The following PLCL1 variants were observed in gnomAD, a reference collection of about 807,000 sequenced individuals.
PLCL1 encodes the protein phospholipase C like 1 (inactive).
In PLCL1, 41 loss-of-function variants were observed where a neutral mutation model predicts 84.4. The ratio of observed to expected loss-of-function variants is 0.49; its 90% CI spans 0.38 to 0.63. The LOEUF (loss-of-function observed/expected upper bound fraction) is 0.63, where lower values mean the gene tolerates loss of function less well. Ranked by LOEUF, PLCL1 falls within the 30% of genes least tolerant of loss-of-function variation. The pLI is 0.00. For synonymous variants in PLCL1, 490 were observed against 488.3 expected (o/e 1.00, Z -0.05); for missense variants, 1,206 against 1,367.8 (o/e 0.88, Z 1.87).
At chr2:197,809,279 G>C (rs1246961481) in intron 1 of PLCL1, among the ~76,000 whole-genome samples, 6 of 152,204 alleles carry the variant, frequency 3.9e-5, no homozygotes, top group African/African-American at 1.4e-4. Flanking sequence ...GAGAGCTACT[G>C]TTAAAATGTG....
chr2:198,134,763 T>G (rs1694213236), intron 5 of PLCL1, among the ~76,000 whole-genome samples: 1 of 152,194 alleles, frequency 6.6e-6, no homozygotes, highest in Non-Finnish European at 1.5e-5. Flanking sequence ...AATTGTGCCC[T>G]TGGAATTGTG....
chr2:198,136,245 A>T (rs1233974973), intron 5 of PLCL1, among the ~76,000 whole-genome samples: 5 of 152,148 alleles, frequency 3.3e-5, no homozygotes, highest in African/African-American at 1.2e-4. Context: ...TTTTCCATGT[A>T]TGGCAGGCAT....
At chr2:197,965,555 G>C (rs1298975466) in intron 1 of PLCL1, among the ~76,000 whole-genome samples, 1 of 151,716 alleles carries the variant, frequency 6.6e-6, no homozygotes, top group Admixed American at 6.6e-5. Context: ...ATTTATTTCT[G>C]CTTTCATCTT....
At chr2:197,942,083 T>C (rs949720358) in intron 1 of PLCL1, among the ~76,000 whole-genome samples, 1 of 152,240 alleles carries the variant, frequency 6.6e-6, no homozygotes, top group African/African-American at 2.4e-5. Context: ...AGAATCACTT[T>C]GTTTTTAACT....
chr2:198,049,689 G>A (rs945868105), intron 1 of PLCL1, among the ~76,000 whole-genome samples: 2 of 152,200 alleles, frequency 1.3e-5, no homozygotes, highest in Admixed American at 1.3e-4. Flanking sequence ...TAGAAGTGCT[G>A]TAAATCATAG....
chr2:197,999,764 A>G (rs919369359), intron 1 of PLCL1, among the ~76,000 whole-genome samples: 10 of 152,242 alleles, frequency 6.6e-5, no homozygotes, highest in Admixed American at 5.2e-4. Flanking sequence ...TAAATTGCAT[A>G]TATAGATGTG....
chr2:197,970,164 C>G (rs1689831422), intron 1 of PLCL1, among the ~76,000 whole-genome samples: 1 of 152,112 alleles, frequency 6.6e-6, no homozygotes, highest in African/African-American at 2.4e-5. Flanking sequence ...GCTGGAAAGT[C>G]CAAGAGGATG....
At chr2:198,003,797 A>G (rs1690662281) in intron 1 of PLCL1, among the ~76,000 whole-genome samples, 3 of 152,214 alleles carry the variant, frequency 2.0e-5, no homozygotes, top group Admixed American at 2.0e-4. Context: ...ATTTTCATAA[A>G]ACTTCTGAGC....
At chr2:198,104,256 T>G (rs750927412) in intron 5 of PLCL1, among the ~76,000 whole-genome samples, 5 of 151,948 alleles carry the variant, frequency 3.3e-5, no homozygotes, top group Non-Finnish European at 5.9e-5. Flanking sequence ...GTGGTCTCAT[T>G]GTTTAGTTCC....
chr2:198,064,895 G>A (rs1169372162), intron 1 of PLCL1, among the ~76,000 whole-genome samples: 5 of 152,256 alleles, frequency 3.3e-5, no homozygotes, highest in South Asian at 4.1e-4. Context: ...TCAGTGGACC[G>A]TTTGGTATAG....
At chr2:197,942,060 G>T (rs545682527) in intron 1 of PLCL1, among the ~76,000 whole-genome samples, 1 of 152,088 alleles carries the variant, frequency 6.6e-6, no homozygotes, top group Non-Finnish European at 1.5e-5. Flanking sequence ...ATTGATTTGT[G>T]CCATTTGCTA....
intron 5 of PLCL1, among the ~76,000 whole-genome samples, chr2:198,118,810 G>A (rs999865339): frequency 2.6e-5 from 4 of 152,004 alleles, no homozygotes; most frequent in African/African-American, 9.7e-5. Context: ...CCATGAAGTT[G>A]TCAGTCTAAG....
At chr2:198,138,132 A>G (rs1694301411) in intron 5 of PLCL1, among the ~76,000 whole-genome samples, 1 of 152,184 alleles carries the variant, frequency 6.6e-6, no homozygotes, top group South Asian at 2.1e-4. Flanking sequence ...TGCTATAAAG[A>G]ACTACGTGAA....
rs1687423235 is a variant in PLCL1, at chr2:197,861,034, T to C, written c.240+55695T>C. Among the ~76,000 whole-genome samples, 2 of 152,176 alleles carry C rather than the reference T, an allele frequency of 1.3e-5. 1 individual carries two copies. Among genetic ancestry groups the C allele is most frequent in the South Asian group, 4.1e-4 (2 of 4,832 alleles). ...TTGATCTTCACCCAGTTTCCTGGCATACAACTCCTAAAATCCTTAAAATCT... is the reference window on the plus strand; with the variant it reads ...TTGATCTTCACCCAGTTTCCTGGCACACAACTCCTAAAATCCTTAAAATCT... On this transcript the variant is annotated intron_variant, in intron 1 of 5. Coordinates refer to ENST00000428675, the MANE Select transcript of PLCL1 (RefSeq NM_006226.4).
chr2:197,810,577 A>G (rs948956756), intron 1 of PLCL1, among the ~76,000 whole-genome samples: 3 of 152,224 alleles, frequency 2.0e-5, no homozygotes, highest in Non-Finnish European at 4.4e-5. Flanking sequence ...TAAAATGTCA[A>G]TTGAACATTT....
chr2:198,056,701 C>G (rs1234992971), intron 1 of PLCL1, among the ~76,000 whole-genome samples: 1 of 152,166 alleles, frequency 6.6e-6, no homozygotes, highest in Non-Finnish European at 1.5e-5. Context: ...GCACTATTTT[C>G]TTTTGTGACT....
chr2:197,939,423 G>A (rs761999738), intron 1 of PLCL1, among the ~76,000 whole-genome samples: 4 of 152,220 alleles, frequency 2.6e-5, no homozygotes, highest in Non-Finnish European at 4.4e-5. Flanking sequence ...CACAGTCTGG[G>A]TGACTTAAAC....
At chr2:198,055,329 C>CTCTCTGTG (rs374518934) in intron 1 of PLCL1, among the ~76,000 whole-genome samples, 52 of 112,346 alleles carry the variant, frequency 4.6e-4, no homozygotes, top group South Asian at 1.2e-3. Context: ...CTCTCTCTCT[C>CTCTCTGTG]TGTGTGTGTG....
At chr2:197,842,894 C>G (rs1389022917) in intron 1 of PLCL1, among the ~76,000 whole-genome samples, 1 of 152,138 alleles carries the variant, frequency 6.6e-6, no homozygotes, top group Non-Finnish European at 1.5e-5. Context: ...ATATTTAACA[C>G]TGAGCCTCAT....
Sources: gnomAD v4.1 joint callset for allele counts (sites outside exome capture counted in the v4.1 genomes callset) on GRCh38, gnomAD v4.1.1 for gene constraint, MANE v1.5 for transcripts, NCBI Gene and HGNC (gene_info 2026-07-23, HGNC 2026-07-21) for gene names.